Variants in LINGO2 observed in about 807,000 individuals in gnomAD.
The protein encoded by LINGO2 is leucine-rich repeat and immunoglobulin-like domain-containing nogo receptor-interacting protein 2.
Under a neutral mutation model 30.6 loss-of-function variants are expected in LINGO2, and 14 were observed. The ratio of observed to expected loss-of-function variants is 0.46; its 90% CI spans 0.30 to 0.72. The LOEUF (loss-of-function observed/expected upper bound fraction) is 0.72. Among genes scored for constraint, LINGO2 ranks in the 30% least tolerant of loss-of-function variants. The pLI is 0.07. For synonymous variants in LINGO2, 317 were observed against 288.5 expected, an observed-to-expected ratio of 1.10 and a Z score of -1.00; for missense variants, 729 against 751.7, an observed-to-expected ratio of 0.97 and a Z score of 0.35.
At position 28,203,447 on chromosome 9, in the gene LINGO2, C is replaced by A. The variant is rs1445194767; in HGVS notation, c.-87+91761G>T. Among the ~76,000 whole-genome samples, 5 of 151,948 alleles carry A rather than the reference C, an allele frequency of 3.3e-5. No homozygotes were observed. In the East Asian group the frequency reaches 9.6e-4, roughly 29 times the overall value. Reference sequence around the variant, plus strand: ...TACAAAGAGGGGTATTTCTTTTGGGCCTAGGTTCTGAAGGAGGAATAGGTA... The same window carrying A: ...TACAAAGAGGGGTATTTCTTTTGGGACTAGGTTCTGAAGGAGGAATAGGTA... On this transcript the variant is annotated intron_variant, in intron 4 of 5. Coordinates refer to ENST00000379992, the Ensembl canonical transcript of LINGO2.
At chr9:28,959,610 C>CT in the LINGO2 span, among the ~76,000 whole-genome samples, 9,504 of 141,332 alleles carry the variant, frequency 0.067, 380 homozygotes, top group South Asian at 0.13. Context: ...TCTCTCTCTC[C>CT]CTCACACACA....
downstream of LINGO2, chr9:27,943,851 C>T (rs1823264339): frequency 6.6e-6 from 1 of 152,076 alleles, no homozygotes; most frequent in South Asian, 2.1e-4. Flanking sequence ...TCTCAGGGGA[C>T]TTTAGTTCCT....
At chr9:28,050,942 T>C (rs913765289) in intron 4 of LINGO2, among the ~76,000 whole-genome samples, 10 of 151,024 alleles carry the variant, frequency 6.6e-5, no homozygotes, top group Non-Finnish European at 1.2e-4. Context: ...CTGTAGTACA[T>C]GTTATGACAG....
chr9:28,272,646 C>G (rs987073810), intron 4 of LINGO2, among the ~76,000 whole-genome samples: 2 of 151,802 alleles, frequency 1.3e-5, no homozygotes, highest in East Asian at 1.9e-4. Flanking sequence ...TTTTTTAATT[C>G]CCTTTATTCT....
chr9:28,626,963 T>C (rs55654730), intron 1 of LINGO2, among the ~76,000 whole-genome samples: 3,859 of 152,160 alleles, frequency 0.025, 155 homozygotes, highest in African/African-American at 0.081. Flanking sequence ...TGAATCTTTT[T>C]TATTAGCTGA....
At chr9:29,040,101 G>T in the LINGO2 span, among the ~76,000 whole-genome samples, 218 of 152,046 alleles carry the variant, frequency 1.4e-3, 4 homozygotes, top group African/African-American at 5.1e-3. Flanking sequence ...CCTAATTCTG[G>T]TCATGGCTTC....
chr9:29,091,557 A>G, the LINGO2 span, among the ~76,000 whole-genome samples: 3 of 151,972 alleles, frequency 2.0e-5, no homozygotes, highest in African/African-American at 7.2e-5. Context: ...GTTATCCTAG[A>G]CCTACAAATC....
At chr9:28,114,494 C>T (rs1826871651) in intron 4 of LINGO2, among the ~76,000 whole-genome samples, 1 of 58,224 alleles carries the variant, frequency 1.7e-5, no homozygotes, top group African/African-American at 5.8e-5. Flanking sequence ...ATGGTACCAG[C>T]TCCTCCTTGT....
Position 28,350,558 on chromosome 9 carries a change from T to C in LINGO2, c.-246+22278A>G, listed in dbSNP as rs530523803. ...TCCCACACATTAATAATGGGAGACT[T>C]TAACACCCCACTGTCAACATTAGAC... On this transcript the variant is annotated intron_variant, in intron 3 of 5. Transcript: ENST00000379992. Among the ~76,000 whole-genome samples, 20 of 143,880 alleles carry C rather than the reference T, an allele frequency of 1.4e-4. No individual in the cohort carries two copies. The South Asian group carries it at 2.1e-3, about 15-fold the overall frequency. 94.4% of individuals were successfully genotyped at this position (143,880 alleles called of 152,430 possible). A position where few individuals can be genotyped will look rare whatever the true frequency, so the allele number is the denominator to read the frequency against.
chr9:29,047,236 G>T, the LINGO2 span, among the ~76,000 whole-genome samples: 1 of 151,754 alleles, frequency 6.6e-6, no homozygotes, highest in African/African-American at 2.4e-5. Flanking sequence ...TTAAAAAGTG[G>T]GCAAAGGACG....
At chr9:28,406,171 G>A (rs1428201828) in intron 2 of LINGO2, among the ~76,000 whole-genome samples, 1 of 152,110 alleles carries the variant, frequency 6.6e-6, no homozygotes, top group Non-Finnish European at 1.5e-5. Context: ...GGGTGCGGTG[G>A]CTCATGCCTG....
At chr9:28,012,590 G>A (rs907561379) in intron 4 of LINGO2, among the ~76,000 whole-genome samples, 4 of 151,828 alleles carry the variant, frequency 2.6e-5, no homozygotes, top group African/African-American at 9.7e-5. Flanking sequence ...ATCCATTCAA[G>A]CCACCAGCTC....
intron 5 of LINGO2, among the ~76,000 whole-genome samples, chr9:27,955,778 T>C (rs1472855596): frequency 6.6e-6 from 1 of 152,052 alleles, no homozygotes; most frequent in Non-Finnish European, 1.5e-5. Flanking sequence ...CTTAAATATA[T>C]ACCTAGAAAT....
the LINGO2 span, among the ~76,000 whole-genome samples, chr9:28,858,549 C>T: frequency 6.6e-6 from 1 of 152,004 alleles, no homozygotes; most frequent in East Asian, 1.9e-4. Flanking sequence ...CATTTCTGTC[C>T]CCCCGTCGCA....
chr9:28,381,922 T>A (rs887464761), intron 2 of LINGO2, among the ~76,000 whole-genome samples: 1 of 152,108 alleles, frequency 6.6e-6, no homozygotes, highest in South Asian at 2.1e-4. Context: ...TCTTTTTATA[T>A]ATCCATGGAT....
chr9:28,456,578 A>AGACTGTTGCAGATGT (rs1384367142), intron 2 of LINGO2, among the ~76,000 whole-genome samples: 1 of 152,172 alleles, frequency 6.6e-6, no homozygotes, highest in East Asian at 1.9e-4. Context: ...CACAGACAAG[A>AGACTGTTGCAGATGT]GACTGTTGCA....
chr9:29,052,121 TA>T, the LINGO2 span, among the ~76,000 whole-genome samples: 3 of 152,140 alleles, frequency 2.0e-5, no homozygotes, highest in African/African-American at 7.2e-5. Context: ...TCTCCATAAA[TA>T]AATAACAATA....
At chr9:28,271,717 C>T (rs545533997) in intron 4 of LINGO2, among the ~76,000 whole-genome samples, 32 of 152,094 alleles carry the variant, frequency 2.1e-4, no homozygotes, top group Non-Finnish European at 4.0e-4. Flanking sequence ...GGAAGTCAAA[C>T]GTGGCTGTAC....
intron 5 of LINGO2, among the ~76,000 whole-genome samples, chr9:27,957,526 T>C (rs1223621928): frequency 6.6e-6 from 1 of 152,158 alleles, no homozygotes; most frequent in Non-Finnish European, 1.5e-5. Context: ...TCTCCTGACC[T>C]TGTGATCTGC....
Sources: gnomAD v4.1 joint callset for allele counts (sites outside exome capture counted in the v4.1 genomes callset) on GRCh38, gnomAD v4.1.1 for gene constraint, MANE v1.5 for transcripts, NCBI Gene and HGNC (gene_info 2026-07-23, HGNC 2026-07-21) for gene names.